Variants in JAZF1 observed in about 807,000 individuals in gnomAD.
JAZF1 encodes JAZF zinc finger 1.
JAZF1 carries 8 observed loss-of-function variants against 26.4 expected under a neutral mutation model. The observed-to-expected ratio is 0.30, with a 90% CI of 0.18 to 0.55. JAZF1 has a LOEUF of 0.55. Ranked by LOEUF, JAZF1 falls within the 20% of genes least tolerant of loss-of-function variation. The pLI is 0.94. For missense variants in JAZF1, 199 were observed against 322.0 expected (o/e 0.62, Z 2.92); for synonymous variants, 126 against 122.3 (o/e 1.03, Z -0.20).
chr7:28,020,042 C>T (rs572008855), intron 1 of JAZF1, among the ~76,000 whole-genome samples: 2 of 152,290 alleles, frequency 1.3e-5, no homozygotes, highest in South Asian at 4.1e-4. Context: ...ATGTTCTGCC[C>T]TGAACACCAC....
At chr7:27,845,065 C>T (rs909741108) in intron 3 of JAZF1, among the ~76,000 whole-genome samples, 2 of 152,028 alleles carry the variant, frequency 1.3e-5, no homozygotes, top group Non-Finnish European at 2.9e-5. Flanking sequence ...CGCACCATCC[C>T]GAGACAAGAA....
intron 1 of JAZF1, among the ~76,000 whole-genome samples, chr7:28,008,535 T>C (rs561494915): frequency 1.3e-5 from 2 of 152,356 alleles, no homozygotes; most frequent in African/African-American, 4.8e-5. Context: ...AGAGTCATTG[T>C]CTCTCCAGCA....
chr7:28,071,355 T>C (rs1783973733), intron 1 of JAZF1, among the ~76,000 whole-genome samples: 1 of 152,186 alleles, frequency 6.6e-6, no homozygotes, highest in Non-Finnish European at 1.5e-5. Context: ...TACACCTCTG[T>C]CAACTCCAAC....
intron 2 of JAZF1, among the ~76,000 whole-genome samples, chr7:27,933,937 A>G (rs1053187541): frequency 1.3e-5 from 2 of 152,254 alleles, no homozygotes; most frequent in Non-Finnish European, 2.9e-5. Context: ...ATGAGATGTA[A>G]AAACTGTACA....
At chr7:28,142,172 A>C (rs898297927) in intron 1 of JAZF1, among the ~76,000 whole-genome samples, 3 of 152,162 alleles carry the variant, frequency 2.0e-5, no homozygotes, top group Non-Finnish European at 4.4e-5. Flanking sequence ...TGAAAACAGA[A>C]TTTCGTAAAT....
At chr7:28,125,604 T>C (rs1217377367) in intron 1 of JAZF1, among the ~76,000 whole-genome samples, 2 of 152,186 alleles carry the variant, frequency 1.3e-5, no homozygotes, top group African/African-American at 4.8e-5. Context: ...TGAATGTAAA[T>C]GTTGACAATG....
At chr7:27,903,126 C>T (rs1429323626) in intron 2 of JAZF1, among the ~76,000 whole-genome samples, 3 of 151,690 alleles carry the variant, frequency 2.0e-5, no homozygotes, top group South Asian at 4.2e-4. Context: ...CTTTGGGGCA[C>T]GGAATATTAG....
intron 3 of JAZF1, among the ~76,000 whole-genome samples, chr7:27,877,686 C>G (rs943025648): frequency 1.3e-5 from 2 of 152,220 alleles, no homozygotes; most frequent in Non-Finnish European, 2.9e-5. Context: ...TCTGGCAAGT[C>G]AGCATCTTCT....
At chr7:28,155,046 T>C (rs1340980572) in intron 1 of JAZF1, among the ~76,000 whole-genome samples, 1 of 152,208 alleles carries the variant, frequency 6.6e-6, no homozygotes, top group African/African-American at 2.4e-5. Context: ...TGCGGTTTAC[T>C]AAATTTGGTT....
chr7:28,029,772 C>T (rs941034152), intron 1 of JAZF1, among the ~76,000 whole-genome samples: 1 of 152,122 alleles, frequency 6.6e-6, no homozygotes, highest in Non-Finnish European at 1.5e-5. Flanking sequence ...TGATCAGAGC[C>T]AAGTTTGCTG....
chr7:28,035,938 A>G (rs1783284902), intron 1 of JAZF1, among the ~76,000 whole-genome samples: 2 of 152,226 alleles, frequency 1.3e-5, no homozygotes, highest in African/African-American at 4.8e-5. Context: ...TAATATCTTT[A>G]AGTGGAAGAA....
intron 1 of JAZF1, among the ~76,000 whole-genome samples, chr7:28,027,624 C>T (rs1259031404): frequency 1.3e-5 from 2 of 152,246 alleles, no homozygotes; most frequent in East Asian, 3.9e-4. Context: ...CATCTCAGAA[C>T]TCCAATCTGC....
rs370186948 is a variant in JAZF1 at position 28,176,461 on chromosome 7, C to A, written c.115+4002G>T. Among the ~76,000 whole-genome samples the A allele has an allele frequency of 3.9e-5, 6 of 152,196 alleles. No individual in the cohort carries two copies. The East Asian group carries it at 1.2e-3, about 29-fold the overall frequency. On this transcript the variant is annotated intron_variant, in intron 1 of 4. Coordinates refer to ENST00000283928, the MANE Select transcript of JAZF1 (RefSeq NM_175061.4). ...ATATCAGCCTCTCAGCAAGGCCCAC[C>A]CTGACCAATCTATTTAAAATTCTCA...
chr7:28,130,265 T>C (rs1424803689), intron 1 of JAZF1, among the ~76,000 whole-genome samples: 1 of 151,870 alleles, frequency 6.6e-6, no homozygotes, highest in Non-Finnish European at 1.5e-5. Flanking sequence ...TCTCATGAAA[T>C]CCAAAGGGAG....
chr7:28,028,372 C>A (rs1783127513), intron 1 of JAZF1, among the ~76,000 whole-genome samples: 1 of 152,220 alleles, frequency 6.6e-6, no homozygotes, highest in South Asian at 2.1e-4. Flanking sequence ...CTTAACCATG[C>A]TGTTGCTATT....
At chr7:28,161,314 A>C (rs973886687) in intron 1 of JAZF1, among the ~76,000 whole-genome samples, 1 of 150,926 alleles carries the variant, frequency 6.6e-6, no homozygotes. Context: ...TAGAGGATGA[A>C]AACTACTAGG....
intron 1 of JAZF1, among the ~76,000 whole-genome samples, chr7:28,154,050 A>C (rs1027401746): frequency 6.6e-6 from 1 of 152,178 alleles, no homozygotes; most frequent in Non-Finnish European, 1.5e-5. Context: ...TACTTTCATA[A>C]TGGGATGAAG....
chr7:27,937,180 G>T (rs969030331), intron 2 of JAZF1, among the ~76,000 whole-genome samples: 1 of 152,086 alleles, frequency 6.6e-6, no homozygotes, highest in African/African-American at 2.4e-5. Context: ...AAAGAGATTT[G>T]TGCATTATGA....
In JAZF1 at chr7:27,832,140, T is replaced by G. The variant is rs1189462383; in HGVS notation, c.*660A>C. Reference sequence around the variant, plus strand: ...ATGCCATTTATAACACTAAAATGACTAGTAAGTCAGATGGCAAGATTTTCA... The same window carrying G: ...ATGCCATTTATAACACTAAAATGACGAGTAAGTCAGATGGCAAGATTTTCA... On this transcript the variant is annotated 3_prime_UTR_variant, in exon 5 of 5. Coordinates refer to ENST00000283928, the MANE Select transcript of JAZF1 (RefSeq NM_175061.4). 1 of 213,232 alleles carries G rather than the reference T, an allele frequency of 4.7e-6. No individual in the cohort carries two copies. The highest frequency in any genetic ancestry group is 7.1e-5 in the East Asian group (1 of 14,144). 13.2% of individuals were successfully genotyped at this position (213,232 alleles called of 1,614,324 possible). A position where few individuals can be genotyped will look rare whatever the true frequency, so the allele number is the denominator to read the frequency against.
Sources: gnomAD v4.1 joint callset for allele counts (sites outside exome capture counted in the v4.1 genomes callset) on GRCh38, gnomAD v4.1.1 for gene constraint, MANE v1.5 for transcripts, NCBI Gene and HGNC (gene_info 2026-07-23, HGNC 2026-07-21) for gene names.